The following SGCD variants were observed in gnomAD, a reference collection of about 807,000 sequenced individuals.
SGCD encodes the protein sarcoglycan delta.
A neutral mutation model predicts 36.6 loss-of-function variants in SGCD; 18 were observed. That is an observed-to-expected ratio of 0.49 (90% CI 0.34 to 0.73). The LOEUF is 0.73. Ranked by LOEUF, SGCD falls within the 30% of genes least tolerant of loss-of-function variation. The probability of loss-of-function intolerance (pLI) is 0.01; values close to 1 mark genes in which losing one functional copy is unlikely to be tolerated. For missense variants in SGCD, 387 were observed against 346.7 expected (o/e 1.12, Z -0.92); for synonymous variants, 133 against 130.6 (o/e 1.02, Z -0.12).
intron 1 of SGCD, among the ~76,000 whole-genome samples, chr5:156,007,824 G>A (rs1450356449): frequency 6.6e-6 from 1 of 152,172 alleles, no homozygotes; most frequent in African/African-American, 2.4e-5. Context: ...AAGGCAAACG[G>A]GCTGGAAGAG....
chr5:156,205,094 C>G (rs1481048063), intron 3 of SGCD, among the ~76,000 whole-genome samples: 3 of 152,094 alleles, frequency 2.0e-5, no homozygotes, highest in Non-Finnish European at 2.9e-5. Flanking sequence ...ACTGCCCTTC[C>G]TCCATCAGAG....
intron 1 of SGCD, among the ~76,000 whole-genome samples, chr5:155,948,797 T>A (rs1757496564): frequency 6.6e-6 from 1 of 152,218 alleles, no homozygotes; most frequent in African/African-American, 2.4e-5. Context: ...CAGTGGGGTG[T>A]CTGACAAATA....
At chr5:156,470,859 C>T (rs184487726) in intron 3 of SGCD, among the ~76,000 whole-genome samples, 11 of 152,212 alleles carry the variant, frequency 7.2e-5, no homozygotes, top group African/African-American at 1.4e-4. Flanking sequence ...TATTTGGAAA[C>T]GTACTGCGTA....
At chr5:155,736,191 C>T in the SGCD span, among the ~76,000 whole-genome samples, 2 of 152,150 alleles carry the variant, frequency 1.3e-5, no homozygotes, top group Non-Finnish European at 2.9e-5. Flanking sequence ...CACAGATCAT[C>T]GGTGTAATAT....
chr5:155,847,272 A>C, the SGCD span, among the ~76,000 whole-genome samples: 1 of 152,222 alleles, frequency 6.6e-6, no homozygotes, highest in Non-Finnish European at 1.5e-5. Context: ...ACAAAAATTC[A>C]GAGTGATTAA....
upstream of SGCD, among the ~76,000 whole-genome samples, chr5:156,323,133 A>G (rs1458833026): frequency 2.0e-5 from 3 of 152,182 alleles, no homozygotes; most frequent in African/African-American, 7.2e-5. Flanking sequence ...CACCTGTCAT[A>G]GAGTGGTCCA....
At chr5:156,614,426 A>G (rs1167302445) in intron 6 of SGCD, among the ~76,000 whole-genome samples, 2 of 152,184 alleles carry the variant, frequency 1.3e-5, no homozygotes, top group East Asian at 1.9e-4. Flanking sequence ...TGTTATCACA[A>G]TGAGAGGGAA....
intron 7 of SGCD, among the ~76,000 whole-genome samples, chr5:156,649,303 C>T (rs1437423026): frequency 1.2e-4 from 19 of 152,056 alleles, no homozygotes; most frequent in African/African-American, 1.7e-4. Context: ...GTCAGTGTGG[C>T]GATTCCTCAG....
At chr5:155,779,613 A>T in the SGCD span, among the ~76,000 whole-genome samples, 1 of 152,136 alleles carries the variant, frequency 6.6e-6, no homozygotes, top group African/African-American at 2.4e-5. Flanking sequence ...ACCATCCTGC[A>T]CATGTTCCCT....
intron 3 of SGCD, among the ~76,000 whole-genome samples, chr5:156,281,174 T>G (rs920937292): frequency 1.3e-5 from 2 of 152,168 alleles, no homozygotes; most frequent in Admixed American, 6.5e-5. Context: ...AAAATATAAG[T>G]GCTGGGTTCC....
intron 6 of SGCD, among the ~76,000 whole-genome samples, chr5:156,630,482 T>C (rs904513405): frequency 2.0e-5 from 3 of 152,210 alleles, no homozygotes; most frequent in African/African-American, 7.2e-5. Context: ...TGCCATGCAC[T>C]ATTCTAAGTG....
intron 7 of SGCD, among the ~76,000 whole-genome samples, chr5:156,663,759 G>A (rs1267414176): frequency 6.8e-6 from 1 of 147,112 alleles, no homozygotes; most frequent in Non-Finnish European, 1.5e-5. Flanking sequence ...GAGACTGCTT[G>A]TATAGTACAT....
chr5:156,702,834 ATGG>A (rs1382455793), intron 7 of SGCD, among the ~76,000 whole-genome samples: 1 of 152,194 alleles, frequency 6.6e-6, no homozygotes, highest in Non-Finnish European at 1.5e-5. Flanking sequence ...TGATGTTGAA[ATGG>A]TGAACAGCTT....
intron 1 of SGCD, among the ~76,000 whole-genome samples, chr5:156,090,973 T>C (rs1319717286): frequency 6.6e-6 from 1 of 152,200 alleles, no homozygotes; most frequent in Non-Finnish European, 1.5e-5. Context: ...AAAATTGCTG[T>C]TATTCTGTTC....
At chr5:156,219,197 C>CT (rs1289266012) in intron 3 of SGCD, among the ~76,000 whole-genome samples, 1 of 152,148 alleles carries the variant, frequency 6.6e-6, no homozygotes, top group Non-Finnish European at 1.5e-5. Flanking sequence ...CCCTTATCTA[C>CT]TTTAGTTTAT....
intron 1 of SGCD, among the ~76,000 whole-genome samples, chr5:156,046,192 C>T (rs4418084): frequency 9.2e-5 from 14 of 151,940 alleles, no homozygotes. Flanking sequence ...GCTTCATTTC[C>T]TATATTAGAC....
At chr5:156,089,979 C>G (rs1008500149) in intron 1 of SGCD, among the ~76,000 whole-genome samples, 1 of 152,126 alleles carries the variant, frequency 6.6e-6, no homozygotes. Flanking sequence ...TTTCATCTTT[C>G]TCAGTGGAAT....
intron 1 of SGCD, among the ~76,000 whole-genome samples, chr5:156,075,707 G>A (rs1283080418): frequency 2.6e-5 from 4 of 152,286 alleles, no homozygotes; most frequent in South Asian, 4.1e-4. Flanking sequence ...CAAGTGTGGG[G>A]TGATAACGAT....
chr5:156,606,456 G>A (rs1398971520), intron 6 of SGCD, among the ~76,000 whole-genome samples: 1 of 152,198 alleles, frequency 6.6e-6, no homozygotes, highest in Non-Finnish European at 1.5e-5. Flanking sequence ...TAGCCTTGTA[G>A]TATAGTTTGA....
Sources: gnomAD v4.1 joint callset for allele counts (sites outside exome capture counted in the v4.1 genomes callset) on GRCh38, gnomAD v4.1.1 for gene constraint, MANE v1.5 for transcripts, NCBI Gene and HGNC (gene_info 2026-07-23, HGNC 2026-07-21) for gene names.